Variants in NLGN4Y observed in about 807,000 individuals in gnomAD.
The protein encoded by NLGN4Y is neuroligin 4 Y-linked, also known as neuroligin-4, Y-linked.
Under a neutral mutation model 8.4 loss-of-function variants are expected in NLGN4Y, and 4 were observed. That is an observed-to-expected ratio of 0.48 (90% confidence interval 0.23 to 1.09). NLGN4Y has a LOEUF of 1.09. Among genes scored for constraint, NLGN4Y ranks in the 50% least tolerant of loss-of-function variants. The probability of loss-of-function intolerance (pLI) is 0.19; values close to 1 mark genes in which losing one functional copy is unlikely to be tolerated. For synonymous variants in NLGN4Y, 35 were observed against 75.6 expected (o/e 0.46, Z 2.78); for missense variants, 90 against 192.3 (o/e 0.47, Z 3.15).
intron 2 of NLGN4Y, among the ~76,000 whole-genome samples, chrY:14,631,863 C>G: frequency 3.0e-5 from 1 of 33,508 alleles, no homozygotes. Context: ...TTTGAATGTA[C>G]GCCTTGTTTA....
intron 1 of NLGN4Y, among the ~76,000 whole-genome samples, chrY:14,620,018 T>C: frequency 3.0e-5 from 1 of 32,953 alleles, no homozygotes; most frequent in Non-Finnish European, 7.4e-5. Flanking sequence ...AAGGAGCATA[T>C]TGGAGGGTGG....
chrY:14,675,983 T>C, intron 2 of NLGN4Y, among the ~76,000 whole-genome samples: 1 of 33,243 alleles, frequency 3.0e-5, no homozygotes, highest in Admixed American at 2.8e-4. Flanking sequence ...TCAAGGTTTA[T>C]GTGTTTTCCA....
intron 4 of NLGN4Y, among the ~76,000 whole-genome samples, chrY:14,761,817 T>C (rs2081080393): frequency 3.0e-5 from 1 of 33,827 alleles, no homozygotes; most frequent in African/African-American, 1.2e-4. Context: ...ATACAGTTTT[T>C]ACCAATTAAA....
chrY:14,715,791 A>G, intron 2 of NLGN4Y, among the ~76,000 whole-genome samples: 1 of 32,956 alleles, frequency 3.0e-5, no homozygotes, highest in Non-Finnish European at 7.4e-5. Flanking sequence ...ATTTTTTTTT[A>G]AATAAAGGTA....
chrY:14,640,620 A>G (rs2080587188), intron 2 of NLGN4Y, among the ~76,000 whole-genome samples: 2 of 34,148 alleles, frequency 5.9e-5, no homozygotes, highest in Admixed American at 5.3e-4. Context: ...AGACTGGTTC[A>G]AGATGGAAAA....
At chrY:14,553,437 G>A in intron 1 of NLGN4Y, among the ~76,000 whole-genome samples, 1 of 30,794 alleles carries the variant, frequency 3.2e-5, no homozygotes, top group South Asian at 7.2e-4. Context: ...ATTTCATATG[G>A]AACCAAAAAA....
intron 2 of NLGN4Y, among the ~76,000 whole-genome samples, chrY:14,688,244 A>T: frequency 6.0e-5 from 2 of 33,364 alleles, no homozygotes; most frequent in Non-Finnish European, 1.5e-4. Context: ...TTCAAGAGAG[A>T]AATCTGTGCT....
chrY:14,708,143 C>T (rs2080888747), intron 2 of NLGN4Y, among the ~76,000 whole-genome samples: 3 of 32,977 alleles, frequency 9.1e-5, no homozygotes, highest in African/African-American at 2.4e-4. Context: ...GTATGTTAAT[C>T]GAAATTATTT....
At chrY:14,651,894 A>G (rs888926598) in intron 2 of NLGN4Y, among the ~76,000 whole-genome samples, 3 of 33,244 alleles carry the variant, frequency 9.0e-5, no homozygotes, top group Non-Finnish European at 2.2e-4. Flanking sequence ...GATCATACAT[A>G]TTGATTATTG....
At chrY:14,703,886 G>GT in intron 2 of NLGN4Y, among the ~76,000 whole-genome samples, 1 of 32,764 alleles carries the variant, frequency 3.1e-5, no homozygotes, top group Non-Finnish European at 7.5e-5. Flanking sequence ...CACATCCCTT[G>GT]TAAGTTGGAT....
chrY:14,700,185 TAAG>T (rs2080844200), intron 2 of NLGN4Y, among the ~76,000 whole-genome samples: 1 of 33,658 alleles, frequency 3.0e-5, no homozygotes, highest in African/African-American at 1.2e-4. Flanking sequence ...CAAGATATCT[TAAG>T]AAGAATTTGC....
At chrY:14,615,554 T>C (rs2080485829) in intron 1 of NLGN4Y, among the ~76,000 whole-genome samples, 1 of 33,589 alleles carries the variant, frequency 3.0e-5, no homozygotes, top group Non-Finnish European at 7.4e-5. Context: ...ATTGTGGGTT[T>C]GTAAAAAAAT....
chrY:14,676,541 T>C, intron 2 of NLGN4Y, among the ~76,000 whole-genome samples: 1 of 33,834 alleles, frequency 3.0e-5, no homozygotes, highest in Non-Finnish European at 7.3e-5. Flanking sequence ...TTGACTTTTC[T>C]CAAGGTTTGT....
At chrY:14,795,404 G>T (rs1603504120) in intron 4 of NLGN4Y, among the ~76,000 whole-genome samples, 2 of 32,206 alleles carry the variant, frequency 6.2e-5, no homozygotes, top group East Asian at 1.6e-3. Context: ...AGCTTAGTTT[G>T]ATATTCAGTA....
chrY:14,547,800 G>A, intron 1 of NLGN4Y, among the ~76,000 whole-genome samples: 1 of 33,452 alleles, frequency 3.0e-5, no homozygotes, highest in Non-Finnish European at 7.3e-5. Flanking sequence ...GGTGCGAGTT[G>A]AGATCTACTT....
chrY:14,575,569 T>C lies in NLGN4Y; in HGVS notation c.-111-46440T>C, dbSNP rs760864209. 3.9e-4 allele frequency among the ~76,000 whole-genome samples: 13 copies of C among 33,616 alleles called. No individual in the cohort carries two copies. In the South Asian group the frequency reaches 8.8e-3, roughly 23 times the overall value. The allele number at this position is 33,616 out of a possible 37,273, so 90.2% of individuals were successfully genotyped here. ...TAGCTCAGAGTAGTTTGATTGTCTGTAGCCTTCTTCTCTCAATTTGTCAAA... is the reference window on the plus strand; with the variant it reads ...TAGCTCAGAGTAGTTTGATTGTCTGCAGCCTTCTTCTCTCAATTTGTCAAA... On this transcript the variant is annotated intron_variant, in intron 1 of 6. Coordinates refer to ENST00000684976, the MANE Select transcript of NLGN4Y (RefSeq NM_001365588.1).
rs2043225959 is a variant in NLGN4Y at position 14,841,880 on chromosome Y, T to C, written c.*618T>C. ...ACTTTGTAAAAAATAAAAATGTATA[T>C]AGCTGTGAGCTCAAACAAAAACTGC... On this transcript the variant is annotated 3_prime_UTR_variant, in exon 7 of 7. Coordinates refer to ENST00000684976, the MANE Select transcript of NLGN4Y (RefSeq NM_001365588.1). 8.3e-6 allele frequency: 1 copy of C among 120,060 alleles called. No individual in the cohort carries two copies. The highest frequency in any genetic ancestry group is 2.6e-4 in the East Asian group (1 of 3,843). The allele number at this position is 120,060 out of a possible 400,897, so 29.9% of individuals were successfully genotyped here.
intron 1 of NLGN4Y, among the ~76,000 whole-genome samples, chrY:14,578,220 GATA>G (rs2150484630): frequency 3.2e-5 from 1 of 31,609 alleles, no homozygotes; most frequent in South Asian, 7.5e-4. Context: ...AACTTAAAAT[GATA>G]ATAATAATAA....
intron 1 of NLGN4Y, among the ~76,000 whole-genome samples, chrY:14,614,064 A>G: frequency 6.0e-5 from 2 of 33,531 alleles, no homozygotes; most frequent in Non-Finnish European, 1.5e-4. Flanking sequence ...ACAGTGTAAA[A>G]TGTTACTATT....
Sources: allele counts gnomAD v4.1 joint callset (sites outside exome capture counted in the v4.1 genomes callset), GRCh38; gene constraint gnomAD v4.1.1; transcripts MANE v1.5; gene names NCBI Gene and HGNC (gene_info 2026-07-23, HGNC 2026-07-21).